Variants in FAM174C observed in about 807,000 individuals in gnomAD.
The protein encoded by FAM174C is protein FAM174C.
Under a neutral mutation model 12.3 loss-of-function variants are expected in FAM174C, and 19 were observed. That is an observed-to-expected ratio of 1.55 (90% CI 1.08 to 2.27). The LOEUF (loss-of-function observed/expected upper bound fraction) is 2.27, where lower values mean the gene tolerates loss of function less well. Ranked by LOEUF, FAM174C falls within the 30% of genes most tolerant of loss-of-function variation. The pLI, the probability that FAM174C is intolerant of heterozygous loss-of-function variation, is 0.00. For synonymous variants in FAM174C, 147 were observed against 103.5 expected, an observed-to-expected ratio of 1.42 and a Z score of -2.55; for missense variants, 239 against 190.2, an observed-to-expected ratio of 1.26 and a Z score of -1.51.
intron 1 of FAM174C, 120 bp from the exon 2 acceptor site, chr19:1,277,063 C>T: frequency 2.2e-6 from 3 of 1,390,048 alleles, no homozygotes; most frequent in Non-Finnish European, 2.8e-6. Context: ...CACAGCAAAA[C>T]CAGGGAGGTC....
At chr19:1,275,960 G>A in intron 1 of FAM174C, 130 bp downstream of exon 1, 1 of 890,376 alleles carries the variant, frequency 1.1e-6, no homozygotes, top group South Asian at 1.6e-5. Context: ...GTTGGAGTGG[G>A]CGTGGGCGGT....
chr19:1,275,803 C>T lies in FAM174C; in HGVS notation c.254C>T (p.Ala85Val). 1 of 1,538,172 alleles carries T rather than the reference C, an allele frequency of 6.5e-7. No homozygotes were observed. The highest frequency in any genetic ancestry group is 8.7e-7 in the Non-Finnish European group (1 of 1,146,284). The change falls in exon 1 of 3, where the codon GCG (alanine) becomes GTG (valine). Residue 85 changes from alanine to valine, a missense_variant. Ala to Val is a moderately conservative substitution (Grantham distance 64). Transcript: ENST00000409293. Reference sequence around the variant, plus strand: ...ATCCTGGGCTTCTGCGGCCTGACCGCGCTCTACTTCCTGATCCGGGCGTTT... The same window carrying T: ...ATCCTGGGCTTCTGCGGCCTGACCGTGCTCTACTTCCTGATCCGGGCGTTT... ...YVILGFCGLT[A>V]LYFLIRAFRL...
Position 1,275,586 on chromosome 19 carries a change from C to T in FAM174C, c.37C>T (p.Leu13Phe), listed in dbSNP as rs2081407905. The change falls in exon 1 of 3, where the codon CTC (leucine) becomes TTC (phenylalanine). Residue 13 changes from leucine (L) to phenylalanine (F), a missense_variant. By Grantham distance (22) the Leu-to-Phe change is conservative. Coordinates refer to ENST00000409293, the MANE Select transcript of FAM174C (RefSeq NM_017914.4). Reference sequence around the variant, plus strand: ...CGTGCTGCAGCCGCCGCTGCTGCTGCTCCTGCTGGCGCTGCTGCTGGCGGC... The same window carrying T: ...CGTGCTGCAGCCGCCGCTGCTGCTGTTCCTGCTGGCGCTGCTGCTGGCGGC... ...PRVLQPPLLL[L>F]LLALLLAALP... 8.9e-6 allele frequency: 11 copies of T among 1,238,048 alleles called. No homozygotes were observed. Among genetic ancestry groups the T allele is most frequent in the Non-Finnish European group, 9.1e-6 (9 of 993,488 alleles). 76.7% of individuals were successfully genotyped at this position (1,238,048 alleles called of 1,614,324 possible). A position where few individuals can be genotyped will look rare whatever the true frequency, so the allele number is the denominator to read the frequency against.
Position 1,279,157 on chromosome 19 carries a change from G to C in FAM174C, c.*380G>C. Reference sequence around the variant, plus strand: ...CCCAGAGCCAAGGCTGGGTGGGCAGGTGACCCAAGGAACCTTTCTGGGAAC... The same window carrying C: ...CCCAGAGCCAAGGCTGGGTGGGCAGCTGACCCAAGGAACCTTTCTGGGAAC... On this transcript the variant is annotated 3_prime_UTR_variant, in exon 3 of 3. Transcript: ENST00000409293. 6.2e-7 allele frequency: 1 copy of C among 1,613,022 alleles called. No homozygotes were observed. The highest frequency in any genetic ancestry group is 1.1e-5 in the South Asian group (1 of 91,086).
intron 1 of FAM174C, chr19:1,276,171 G>C: frequency 3.2e-6 from 1 of 315,498 alleles, no homozygotes; most frequent in Non-Finnish European, 5.9e-6. Context: ...GGGCCTCCTT[G>C]GCTCCTTGTC....
chr19:1,279,027 C>A lies in FAM174C; in HGVS notation c.*250C>A. 5 of 1,611,734 alleles carry A rather than the reference C, an allele frequency of 3.1e-6. No homozygotes were observed. The highest frequency in any genetic ancestry group is 4.2e-6 in the Non-Finnish European group (5 of 1,179,978). The stretch of plus-strand genomic sequence containing the variant: ...GCTGTCCCAGCCTGGCCGAGGGTCC[C>A]AGGTGAAGACTGGAGGGACCCCAAC... On this transcript the variant is annotated 3_prime_UTR_variant, in exon 3 of 3. Transcript: ENST00000409293.
chr19:1,276,122 G>GA, intron 1 of FAM174C: 1 of 466,324 alleles, frequency 2.1e-6, no homozygotes, highest in Non-Finnish European at 3.8e-6. Flanking sequence ...ACTGAAGCCG[G>GA]AGCATGCCGG....
chr19:1,278,728 G>A, intron 2 of FAM174C, 49 bp from the exon 3 acceptor site: 1 of 1,608,144 alleles, frequency 6.2e-7, no homozygotes, highest in Non-Finnish European at 8.5e-7. Context: ...CTGCCCGGCA[G>A]GGCGGGCCCT....
At chr19:1,275,925 TCCCTCCCTCCC>T in intron 1 of FAM174C, 95 bp downstream of exon 1, 1 of 893,572 alleles carries the variant, frequency 1.1e-6, no homozygotes, top group Non-Finnish European at 1.6e-6. Flanking sequence ...CTCCCCTCCC[TCCCTCCCTCCC>T]TCCCTCTCTC....
chr19:1,275,991 G>T (rs1228052889), intron 1 of FAM174C, 161 bp downstream of exon 1: 10 of 679,488 alleles, frequency 1.5e-5, no homozygotes, highest in South Asian at 5.7e-5. Context: ...GTCGTCACGT[G>T]GTGTGGGCGG....
rs545706228 is a variant in FAM174C at position 1,278,393 on chromosome 19, T to C, written c.*-384T>C. ...GAATGATGGGTATGTTGCGCTGCAG[T>C]GTGGCTGCTGGGGGGACCTTGGCCT... On this transcript the variant is annotated intron_variant, in intron 2 of 2. Transcript: ENST00000409293. Among the ~76,000 whole-genome samples, 7 of 151,778 alleles carry C rather than the reference T, an allele frequency of 4.6e-5. No individual in the cohort carries two copies. The South Asian group carries it at 1.3e-3, about 27-fold the overall frequency.
At chr19:1,277,073 C>G in intron 1 of FAM174C, 110 bp from the exon 2 acceptor site, 1 of 1,424,166 alleles carries the variant, frequency 7.0e-7, no homozygotes, top group Non-Finnish European at 9.3e-7. Context: ...CCAGGGAGGT[C>G]TGCAGCAGGG....
Position 1,275,593 on chromosome 19 carries a change from TG to T in FAM174C, c.46del (p.Ala16ArgfsTer30). On this transcript the variant is annotated frameshift_variant, in exon 1 of 3. Coordinates refer to ENST00000409293, the MANE Select transcript of FAM174C (RefSeq NM_017914.4). LOFTEE classifies it high-confidence loss of function. ...CAGCCGCCGCTGCTGCTGCTCCTGC[TG>T]GCGCTGCTGCTGGCGGCGCTGCCGT... Reference protein sequence around the residue: ...VLQPPLLLLLLALLLAALPCG... With the variant: ...VLQPPLLLLLXALLLAALPCG... The T allele has an allele frequency of 8.0e-7, 1 of 1,244,184 alleles. No homozygotes were observed. Among genetic ancestry groups the T allele is most frequent in the Non-Finnish European group, 1.0e-6 (1 of 997,506 alleles). 77.1% of individuals were successfully genotyped at this position (1,244,184 alleles called of 1,614,324 possible). A position where few individuals can be genotyped will look rare whatever the true frequency, so the allele number is the denominator to read the frequency against.
At position 1,275,559 on chromosome 19, in the gene FAM174C, C is replaced by T; in HGVS notation, c.10C>T (p.Arg4Cys). ...CCGCTTCCGCCGGGCCATGGGGCCG[C>T]GCGTGCTGCAGCCGCCGCTGCTGCT... is the stretch of plus-strand genomic sequence containing the variant. MGP[R>C]VLQPPLLLLL... Residue 4 changes from arginine (R) to cysteine (C), a missense_variant, in exon 1 of 3, where the codon CGC becomes TGC. By Grantham distance (180) the Arg-to-Cys change is radical. Coordinates refer to ENST00000409293, the MANE Select transcript of FAM174C (RefSeq NM_017914.4). 2.5e-6 allele frequency: 3 copies of T among 1,217,376 alleles called. No homozygotes were observed. The highest frequency in any genetic ancestry group is 3.1e-6 in the Non-Finnish European group (3 of 979,720). 75.4% of individuals were successfully genotyped at this position (1,217,376 alleles called of 1,614,324 possible).
rs2081410753 is a variant in FAM174C, at chr19:1,275,836, T to C, written c.281+6T>C. 6.5e-7 allele frequency: 1 copy of C among 1,535,552 alleles called. No individual in the cohort carries two copies. Among genetic ancestry groups the C allele is most frequent in the Non-Finnish European group, 8.7e-7 (1 of 1,146,042 alleles). On this transcript the variant is annotated splice_donor_region_variant and intron_variant, in intron 1 of 2. Transcript: ENST00000409293. The stretch of plus-strand genomic sequence containing the variant: ...TTCCTGATCCGGGCGTTTAGGTGCG[T>C]CAGGCGCACGTGGGCGCCGTCTCTC...
chr19:1,278,779 G>C lies in FAM174C; in HGVS notation c.*2G>C. On this transcript the variant is annotated splice_region_variant and 3_prime_UTR_variant, in exon 3 of 3. Coordinates refer to ENST00000409293, the MANE Select transcript of FAM174C (RefSeq NM_017914.4). ...CACCCTTGACCCCCTGCTTTCAGAT[G>C]CTGAGCCAGGGAGGCGGCCCTTCCA... 6.2e-7 allele frequency: 1 copy of C among 1,612,668 alleles called. No individual in the cohort carries two copies. Among genetic ancestry groups the C allele is most frequent in the Non-Finnish European group, 8.5e-7 (1 of 1,179,822 alleles).
chr19:1,277,645 T>G (rs2081421374), intron 2 of FAM174C, among the ~76,000 whole-genome samples: 1 of 151,940 alleles, frequency 6.6e-6, no homozygotes, highest in Non-Finnish European at 1.5e-5. Flanking sequence ...TAATTTTTTG[T>G]ATTTAGTAGA....
At chr19:1,275,981 G>A (rs935959183) in intron 1 of FAM174C, 151 bp downstream of exon 1, 2 of 763,000 alleles carry the variant, frequency 2.6e-6, no homozygotes, top group Admixed American at 5.5e-5. Context: ...GCTGTGCGGG[G>A]TCGTCACGTG....
In FAM174C at chr19:1,279,102, C is replaced by T. The variant is rs1440734364; in HGVS notation, c.*325C>T. The T allele has an allele frequency of 5.6e-6, 9 of 1,612,744 alleles. No homozygotes were observed. The highest frequency in any genetic ancestry group is 8.5e-7 in the Non-Finnish European group (1 of 1,179,998). ...TCCCTTGCCTGACTGTGACTTGTGC[C>T]TCTCTCCTGCCCCCGTGGGGACATG... On this transcript the variant is annotated 3_prime_UTR_variant, in exon 3 of 3. Coordinates refer to ENST00000409293, the MANE Select transcript of FAM174C (RefSeq NM_017914.4).
Sources: allele counts gnomAD v4.1 joint callset (sites outside exome capture counted in the v4.1 genomes callset), GRCh38; gene constraint gnomAD v4.1.1; transcripts MANE v1.5; gene names NCBI Gene and HGNC (gene_info 2026-07-23, HGNC 2026-07-21).